The following SAMTOR variants were observed in gnomAD, a reference collection of about 807,000 sequenced individuals.
SAMTOR encodes S-adenosylmethionine sensor upstream of mTORC1.
chr7:112,856,451 T>C, the SAMTOR span, among the ~76,000 whole-genome samples: 5 of 152,046 alleles, frequency 3.3e-5, no homozygotes, highest in African/African-American at 1.2e-4. Flanking sequence ...GGTTTCACCT[T>C]ATTGGCCAGG....
At chr7:112,860,833 A>G in the SAMTOR span, among the ~76,000 whole-genome samples, 2 of 149,556 alleles carry the variant, frequency 1.3e-5, no homozygotes, top group Non-Finnish European at 3.0e-5. Flanking sequence ...AATGGCGTGA[A>G]CCGGGGAGGC....
the SAMTOR span, among the ~76,000 whole-genome samples, chr7:112,831,724 C>G: frequency 6.6e-6 from 1 of 152,102 alleles, no homozygotes; most frequent in Admixed American, 6.6e-5. Context: ...ATAACTGACC[C>G]ATAGGAAATG....
the SAMTOR span, among the ~76,000 whole-genome samples, chr7:112,869,566 A>T: frequency 9.1e-5 from 13 of 143,446 alleles, no homozygotes; most frequent in African/African-American, 2.2e-4. Flanking sequence ...CATAAAAATT[A>T]AAAAAAAAAA....
the SAMTOR span, among the ~76,000 whole-genome samples, chr7:112,869,404 C>A: frequency 6.6e-6 from 1 of 151,906 alleles, no homozygotes; most frequent in African/African-American, 2.4e-5. Context: ...AATTACACCA[C>A]CAAACAAGAA....
the SAMTOR span, among the ~76,000 whole-genome samples, chr7:112,835,850 GTA>G: frequency 9.2e-5 from 14 of 152,222 alleles, no homozygotes; most frequent in African/African-American, 3.4e-4. Flanking sequence ...ATTCTATGGT[GTA>G]TATGTACCAT....
the SAMTOR span, among the ~76,000 whole-genome samples, chr7:112,883,839 G>A: frequency 6.6e-6 from 1 of 152,106 alleles, no homozygotes; most frequent in Non-Finnish European, 1.5e-5. Flanking sequence ...TTTCCTTGTT[G>A]TATTTTATGT....
At chr7:112,877,118 A>G in the SAMTOR span, among the ~76,000 whole-genome samples, 1 of 152,200 alleles carries the variant, frequency 6.6e-6, no homozygotes, top group Non-Finnish European at 1.5e-5. Flanking sequence ...TTATCTTTGT[A>G]ACCCTTTATG....
the SAMTOR span, among the ~76,000 whole-genome samples, chr7:112,861,254 T>C: frequency 3.3e-5 from 5 of 152,232 alleles, no homozygotes; most frequent in Admixed American, 6.5e-5. Context: ...AGGACATGTT[T>C]CTTTAACAAA....
At chr7:112,916,718 GA>G in the SAMTOR span, among the ~76,000 whole-genome samples, 1 of 152,162 alleles carries the variant, frequency 6.6e-6, no homozygotes, top group African/African-American at 2.4e-5. Flanking sequence ...ATGGCACCTG[GA>G]AAATCGGGTC....
chr7:112,841,263 C>T, the SAMTOR span, among the ~76,000 whole-genome samples: 1 of 152,098 alleles, frequency 6.6e-6, no homozygotes, highest in Non-Finnish European at 1.5e-5. Flanking sequence ...GGGCAAAAAT[C>T]ACAAGCATTC....
At chr7:112,844,759 T>C in the SAMTOR span, among the ~76,000 whole-genome samples, 1 of 152,152 alleles carries the variant, frequency 6.6e-6, no homozygotes, top group African/African-American at 2.4e-5. Context: ...AAAATTCATA[T>C]GAAACCCTAG....
chr7:112,884,527 G>C, the SAMTOR span, among the ~76,000 whole-genome samples: 2 of 152,118 alleles, frequency 1.3e-5, no homozygotes, highest in African/African-American at 4.8e-5. Flanking sequence ...GGGGCTACAG[G>C]TTCCATATAA....
chr7:112,862,844 G>A, the SAMTOR span, among the ~76,000 whole-genome samples: 21 of 151,634 alleles, frequency 1.4e-4, no homozygotes, highest in African/African-American at 4.4e-4. Flanking sequence ...CAGGAGAATC[G>A]CTTGAACCCA....
chr7:112,939,827 A>T, the SAMTOR span: 2 of 1,201,190 alleles, frequency 1.7e-6, no homozygotes, highest in African/African-American at 1.5e-5. Flanking sequence ...GGGTAGGAGG[A>T]GGGAGCTGCG....
At chr7:112,924,335 C>G in the SAMTOR span, among the ~76,000 whole-genome samples, 1 of 151,862 alleles carries the variant, frequency 6.6e-6, no homozygotes, top group Non-Finnish European at 1.5e-5. Flanking sequence ...TTATAATAGT[C>G]CAAATGTAAC....
the SAMTOR span, among the ~76,000 whole-genome samples, chr7:112,898,530 C>T: frequency 6.6e-6 from 1 of 152,240 alleles, no homozygotes; most frequent in African/African-American, 2.4e-5. Context: ...TCCCACATGG[C>T]ACTTCTAGAC....
the SAMTOR span, among the ~76,000 whole-genome samples, chr7:112,919,114 G>C: frequency 6.6e-6 from 1 of 152,146 alleles, no homozygotes; most frequent in Non-Finnish European, 1.5e-5. Context: ...GACATCTACA[G>C]AACTCTCCAC....
the SAMTOR span, among the ~76,000 whole-genome samples, chr7:112,912,883 G>A: frequency 6.6e-6 from 1 of 152,108 alleles, no homozygotes; most frequent in Non-Finnish European, 1.5e-5. Flanking sequence ...GAAGGTGAAA[G>A]CAATTGCTCC....
chr7:112,857,922 T>C, the SAMTOR span, among the ~76,000 whole-genome samples: 1 of 152,088 alleles, frequency 6.6e-6, no homozygotes, highest in African/African-American at 2.4e-5. Flanking sequence ...GAGCAAACAC[T>C]GGGCATCCTA....
Sources: gnomAD v4.1 joint callset for allele counts (sites outside exome capture counted in the v4.1 genomes callset) on GRCh38, gnomAD v4.1.1 for gene constraint, MANE v1.5 for transcripts, NCBI Gene and HGNC (gene_info 2026-07-23, HGNC 2026-07-21) for gene names.